The following SART3 variants were observed in gnomAD, a reference collection of about 807,000 sequenced individuals.
SART3 encodes spliceosome associated factor 3, U4/U6 recycling protein, also known as HIV-1 Tat-interacting protein of 110kDa.
Under a neutral mutation model 122.3 loss-of-function variants are expected in SART3, and 44 were observed. That is an observed-to-expected ratio of 0.36 (90% confidence interval 0.28 to 0.46). The LOEUF (loss-of-function observed/expected upper bound fraction) is 0.46, where lower values mean the gene tolerates loss of function less well. Among genes scored for constraint, SART3 ranks in the 20% least tolerant of loss-of-function variants. SART3 has a pLI of 1.00. For missense variants in SART3, 1,101 were observed against 1,229.0 expected, an observed-to-expected ratio of 0.90 and a Z score of 1.56; for synonymous variants, 442 against 454.0, an observed-to-expected ratio of 0.97 and a Z score of 0.34.
chr12:108,561,120 G>T lies in SART3; in HGVS notation c.35C>A (p.Pro12His), dbSNP rs777373560. Residue 12 changes from proline (P) to histidine (H), a missense_variant, in exon 1 of 19, where the codon CCC becomes CAC. Physicochemically the swap from Pro to His is moderately conservative, Grantham distance 77. Coordinates refer to ENST00000546815, the MANE Select transcript of SART3 (RefSeq NM_014706.4). The part of the protein sequence containing the change: ...ATAAETSASE[P>H]EAESKAGPKA... Reference sequence around the variant, plus strand: ...GGGCCCAGCCTTGGACTCAGCCTCGGGTTCTGAAGCCGAGGTTTCGGCCGC... The same window carrying T: ...GGGCCCAGCCTTGGACTCAGCCTCGTGTTCTGAAGCCGAGGTTTCGGCCGC... 11 of 1,613,498 alleles carry T rather than the reference G, an allele frequency of 6.8e-6. No individual in the cohort carries two copies. The South Asian group carries it at 1.2e-4, about 18-fold the overall frequency.
intron 17 of SART3, chr12:108,524,756 T>C (rs1872291066): frequency 1.8e-6 from 1 of 570,934 alleles, no homozygotes; most frequent in Non-Finnish European, 3.1e-6. Flanking sequence ...GCACACCTTG[T>C]ACGTGCTGCA....
intron 8 of SART3, 104 bp downstream of exon 8, chr12:108,537,961 C>A: frequency 6.7e-7 from 1 of 1,489,290 alleles, no homozygotes; most frequent in Non-Finnish European, 9.4e-7. Flanking sequence ...ACTCCATAAC[C>A]CAAAGAAAAC....
rs552765125 is a variant in SART3 at position 108,526,679 on chromosome 12, G to C, written c.1916-126C>G. 1.1e-5 allele frequency: 11 copies of C among 1,028,254 alleles called. No homozygotes were observed. In the South Asian group the frequency reaches 1.3e-4, roughly 12 times the overall value. 63.7% of individuals were successfully genotyped at this position (1,028,254 alleles called of 1,614,324 possible). ...GACACTTACTCCCTCACCAGACTCGGAGGGGCAAGCACCACCCCGAGAAGT... is the reference window on the plus strand; with the variant it reads ...GACACTTACTCCCTCACCAGACTCGCAGGGGCAAGCACCACCCCGAGAAGT... On this transcript the variant is annotated intron_variant, in intron 15 of 18. Transcript: ENST00000546815.
chr12:108,530,021 T>C (rs1433428186), intron 15 of SART3, 121 bp downstream of exon 15: 4 of 1,132,574 alleles, frequency 3.5e-6, no homozygotes, highest in Non-Finnish European at 5.3e-6. Flanking sequence ...ACCCTAACAG[T>C]GATCAAAGGG....
intron 12 of SART3, among the ~76,000 whole-genome samples, chr12:108,532,780 TCTCG>T (rs918486749): frequency 6.7e-6 from 1 of 149,552 alleles, no homozygotes; most frequent in African/African-American, 2.5e-5. Context: ...TGAAAGGGAG[TCTCG>T]CTCTTGTCAC....
chr12:108,537,697 C>T, intron 8 of SART3, 102 bp from the exon 9 acceptor site: 2 of 847,690 alleles, frequency 2.4e-6, no homozygotes, highest in East Asian at 5.2e-5. Context: ...ACTTTAAAGA[C>T]TAATAGATGC....
intron 6 of SART3, among the ~76,000 whole-genome samples, chr12:108,542,542 GA>G (rs1873215564): frequency 1.3e-5 from 1 of 76,490 alleles, no homozygotes. Flanking sequence ...GCAGTACACA[GA>G]CAACTTTACA....
In SART3 at chr12:108,524,455, T is replaced by C. The variant is rs777685965; in HGVS notation, c.2575A>G (p.Met859Val). ...TTGATAGTCATGCCGTCCATCTTCATCACAGCCTGCGACGCCTGGGATTCA... is the reference window on the plus strand; with the variant it reads ...TTGATAGTCATGCCGTCCATCTTCACCACAGCCTGCGACGCCTGGGATTCA... ...ENESQASQAV[M>V]KMDGMTIKEN... The change falls in exon 18 of 19, where the codon ATG becomes GTG. Residue 859 changes from methionine to valine, a missense_variant. Transcript: ENST00000546815. The C allele has an allele frequency of 1.9e-6, 3 of 1,614,208 alleles. No individual in the cohort carries two copies. The highest frequency in any genetic ancestry group is 2.5e-6 in the Non-Finnish European group (3 of 1,180,034).
At position 108,524,491 on chromosome 12, in the gene SART3, C is replaced by T. The variant is rs956813514; in HGVS notation, c.2539G>A (p.Glu847Lys). The T allele has an allele frequency of 6.2e-7, 1 of 1,614,058 alleles. No homozygotes were observed. The highest frequency in any genetic ancestry group is 8.5e-7 in the Non-Finnish European group (1 of 1,180,030). The change falls in exon 18 of 19, where the codon GAG becomes AAG. Residue 847 changes from glutamate to lysine, a missense_variant. Transcript: ENST00000546815. ...AGKPKGLAYVEYENESQASQA... is the reference protein window; with the variant it reads ...AGKPKGLAYVKYENESQASQA... ...GACGCCTGGGATTCATTTTCATACT[C>T]CACGTAGGCCAGGCCCTGGAAGAGG... is the stretch of plus-strand genomic sequence containing the variant.
At chr12:108,542,396 T>C (rs766244043) in intron 6 of SART3, among the ~76,000 whole-genome samples, 3 of 152,180 alleles carry the variant, frequency 2.0e-5, no homozygotes, top group Non-Finnish European at 2.9e-5. Context: ...AAGTCATTCC[T>C]AAGTACGTAT....
At chr12:108,528,280 C>G (rs1166250108) in intron 15 of SART3, among the ~76,000 whole-genome samples, 1 of 151,840 alleles carries the variant, frequency 6.6e-6, no homozygotes, top group Non-Finnish European at 1.5e-5. Context: ...GTCAGGAGTT[C>G]AAGACCAGCC....
intron 12 of SART3, among the ~76,000 whole-genome samples, chr12:108,533,922 A>T (rs1047308538): frequency 6.6e-6 from 1 of 152,226 alleles, no homozygotes; most frequent in Non-Finnish European, 1.5e-5. Flanking sequence ...TATGTATGAA[A>T]GAAGAATACC....
chr12:108,528,528 G>T (rs1872506405), intron 15 of SART3, among the ~76,000 whole-genome samples: 1 of 151,494 alleles, frequency 6.6e-6, no homozygotes. Flanking sequence ...GCAGGTCTGT[G>T]CAGGGTTGGG....
intron 6 of SART3, among the ~76,000 whole-genome samples, chr12:108,541,339 C>T (rs1043728716): frequency 6.6e-6 from 1 of 151,378 alleles, no homozygotes; most frequent in Admixed American, 6.6e-5. Context: ...CCTGGCGGGG[C>T]GGAAGTTGCA....
chr12:108,526,844 G>C (rs1009917029), intron 15 of SART3, among the ~76,000 whole-genome samples: 1 of 152,194 alleles, frequency 6.6e-6, no homozygotes, highest in African/African-American at 2.4e-5. Flanking sequence ...GGATCTCAAA[G>C]TTCAGAAGGC....
chr12:108,548,053 C>T, intron 2 of SART3, 62 bp from the exon 3 acceptor site: 1 of 1,374,658 alleles, frequency 7.3e-7, no homozygotes, highest in Non-Finnish European at 1.0e-6. Context: ...AGGGACTTTA[C>T]CAAGAGACAT....
intron 15 of SART3, among the ~76,000 whole-genome samples, chr12:108,529,234 T>C (rs766237751): frequency 1.6e-4 from 25 of 152,204 alleles, no homozygotes; most frequent in Non-Finnish European, 2.5e-4. Context: ...AAATCATGAC[T>C]TTCAGTATAT....
At chr12:108,529,998 T>C (rs1565858614) in intron 15 of SART3, 144 bp downstream of exon 15, 2 of 971,354 alleles carry the variant, frequency 2.1e-6, no homozygotes, top group Non-Finnish European at 3.2e-6. Flanking sequence ...GGCCCCTTGT[T>C]TGCAAGACAT....
chr12:108,541,124 A>T (rs2136679310), intron 6 of SART3, among the ~76,000 whole-genome samples: 1 of 152,302 alleles, frequency 6.6e-6, no homozygotes, highest in Non-Finnish European at 1.5e-5. Context: ...AAAAAGTGAA[A>T]AGGCAGTTGC....
Sources: gnomAD v4.1 joint callset for allele counts (sites outside exome capture counted in the v4.1 genomes callset) on GRCh38, gnomAD v4.1.1 for gene constraint, MANE v1.5 for transcripts, NCBI Gene and HGNC (gene_info 2026-07-23, HGNC 2026-07-21) for gene names.